Variants in PRKG1 observed in about 807,000 individuals in gnomAD.
PRKG1 encodes protein kinase cGMP-dependent 1.
In PRKG1, 35 loss-of-function variants were observed where a neutral mutation model predicts 88.1. The observed-to-expected ratio is 0.40, with a 90% CI of 0.30 to 0.53. PRKG1 has a LOEUF of 0.53. Among genes scored for constraint, PRKG1 ranks in the 20% least tolerant of loss-of-function variants. The pLI, the probability that PRKG1 is intolerant of heterozygous loss-of-function variation, is 0.59. For missense variants in PRKG1, 540 were observed against 839.8 expected (o/e 0.64, Z 4.41); for synonymous variants, 303 against 292.5 (o/e 1.04, Z -0.37).
chr10:52,289,515 T>A (rs1303900181), intron 16 of PRKG1, among the ~76,000 whole-genome samples: 1 of 152,144 alleles, frequency 6.6e-6, no homozygotes, highest in Non-Finnish European at 1.5e-5. Context: ...TCTCTATTTG[T>A]TTGTGTAACA....
At chr10:51,712,878 G>A (rs771021922) in intron 3 of PRKG1, among the ~76,000 whole-genome samples, 14 of 152,000 alleles carry the variant, frequency 9.2e-5, no homozygotes, top group Non-Finnish European at 1.9e-4. Context: ...AGACAGCCAT[G>A]TGAATCCAAA....
chr10:51,985,581 T>C (rs1355058827), intron 5 of PRKG1, among the ~76,000 whole-genome samples: 1 of 152,182 alleles, frequency 6.6e-6, no homozygotes, highest in Admixed American at 6.5e-5. Flanking sequence ...GAAAAAAACA[T>C]CATTTCCTCA....
Position 51,955,650 on chromosome 10 carries a change from C to T in PRKG1, c.762+48080C>T, listed in dbSNP as rs549518196. Reference sequence around the variant, plus strand: ...TTTAGATTTAAAAATGTCTTTATGTCTGGAAATCGTTAGTCCAATACAATC... The same window carrying T: ...TTTAGATTTAAAAATGTCTTTATGTTTGGAAATCGTTAGTCCAATACAATC... On this transcript the variant is annotated intron_variant, in intron 5 of 17. Transcript: ENST00000373980. Among the ~76,000 whole-genome samples the T allele has an allele frequency of 2.6e-5, 4 of 152,112 alleles. No individual in the cohort carries two copies. In the South Asian group the frequency reaches 8.3e-4, roughly 32 times the overall value.
At chr10:51,810,433 G>T (rs1839424998) in intron 4 of PRKG1, among the ~76,000 whole-genome samples, 1 of 152,090 alleles carries the variant, frequency 6.6e-6, no homozygotes, top group African/African-American at 2.4e-5. Context: ...TGTATACAAA[G>T]GATCAAGATG....
chr10:52,241,625 A>G (rs956072660), intron 9 of PRKG1, among the ~76,000 whole-genome samples: 7 of 152,206 alleles, frequency 4.6e-5, no homozygotes, highest in South Asian at 2.1e-4. Flanking sequence ...TGCAAAATTC[A>G]TCAGAGATTT....
chr10:51,539,607 T>A (rs1287991522), intron 3 of PRKG1, among the ~76,000 whole-genome samples: 2 of 152,174 alleles, frequency 1.3e-5, no homozygotes, highest in Non-Finnish European at 2.9e-5. Flanking sequence ...CAAACCAAAT[T>A]ATTAAGTGCA....
chr10:51,744,933 G>T (rs1437244332), intron 3 of PRKG1, among the ~76,000 whole-genome samples: 3 of 152,114 alleles, frequency 2.0e-5, no homozygotes, highest in African/African-American at 7.2e-5. Context: ...AAGAGATTTT[G>T]AAATTTTATT....
intron 3 of PRKG1, among the ~76,000 whole-genome samples, chr10:51,502,457 G>C (rs1349476707): frequency 1.3e-5 from 2 of 152,108 alleles, no homozygotes; most frequent in South Asian, 4.1e-4. Context: ...ATCTTGAGCT[G>C]TTTGCTGATA....
intron 3 of PRKG1, among the ~76,000 whole-genome samples, chr10:51,593,811 G>T (rs574710606): frequency 1.3e-5 from 2 of 151,820 alleles, no homozygotes; most frequent in South Asian, 4.2e-4. Context: ...TGCAACCTCT[G>T]CCTCCCAGGT....
At chr10:51,538,162 T>G (rs1842204796) in intron 3 of PRKG1, among the ~76,000 whole-genome samples, 2 of 152,132 alleles carry the variant, frequency 1.3e-5, no homozygotes, top group South Asian at 2.1e-4. Context: ...TAGCAACTGT[T>G]CAAACAATAA....
At chr10:52,115,326 A>G (rs1415884041) in intron 7 of PRKG1, among the ~76,000 whole-genome samples, 1 of 152,152 alleles carries the variant, frequency 6.6e-6, no homozygotes, top group Admixed American at 6.6e-5. Context: ...ATTTTAAAGG[A>G]CATTTGTGTA....
intron 2 of PRKG1, among the ~76,000 whole-genome samples, chr10:51,198,025 C>G (rs532433130): frequency 6.6e-6 from 1 of 151,626 alleles, no homozygotes; most frequent in African/African-American, 2.4e-5. Context: ...CTTTTGGTAC[C>G]CTTACCTTCA....
At chr10:51,442,465 C>T (rs1588962034) in intron 2 of PRKG1, among the ~76,000 whole-genome samples, 1 of 151,972 alleles carries the variant, frequency 6.6e-6, no homozygotes, top group Non-Finnish European at 1.5e-5. Flanking sequence ...ATGGCTACAA[C>T]ATAAATGACA....
At chr10:51,941,091 A>C (rs1842897517) in intron 5 of PRKG1, among the ~76,000 whole-genome samples, 1 of 151,896 alleles carries the variant, frequency 6.6e-6, no homozygotes, top group Non-Finnish European at 1.5e-5. Flanking sequence ...GATACATCCT[A>C]ATTTGAGGAA....
chr10:52,098,608 C>T (rs902340922), intron 7 of PRKG1, among the ~76,000 whole-genome samples: 2 of 151,970 alleles, frequency 1.3e-5, no homozygotes, highest in South Asian at 2.1e-4. Flanking sequence ...GTCAGGAGTT[C>T]GAGATAGATG....
chr10:52,062,671 C>A lies in PRKG1; in HGVS notation c.935+40C>A, dbSNP rs202230997. ...TGTTATACAGGTTTTTGTTTGAGTG[C>A]TACATAAATTTCTGTCTGAAATTTT... is the stretch of plus-strand genomic sequence containing the variant. On this transcript the variant is annotated intron_variant, in intron 7 of 17. Transcript: ENST00000373980. 5 of 1,472,288 alleles carry A rather than the reference C, an allele frequency of 3.4e-6. No homozygotes were observed. The African/African-American group carries it at 7.1e-5, about 21-fold the overall frequency. The allele number at this position is 1,472,288 out of a possible 1,614,324, so 91.2% of individuals were successfully genotyped here.
At chr10:51,762,864 A>G (rs1838056052) in intron 3 of PRKG1, among the ~76,000 whole-genome samples, 2 of 152,214 alleles carry the variant, frequency 1.3e-5, no homozygotes, top group South Asian at 4.1e-4. Context: ...ATATCCTCAC[A>G]GTGATTCATG....
chr10:51,568,425 G>C (rs1837663447), intron 3 of PRKG1: 1 of 150,970 alleles, frequency 6.6e-6, no homozygotes, highest in African/African-American at 2.5e-5. Context: ...TTTTTTCATA[G>C]AGATGGAGTC....
intron 4 of PRKG1, among the ~76,000 whole-genome samples, chr10:51,881,447 T>A (rs1467722705): frequency 6.6e-6 from 1 of 152,206 alleles, no homozygotes; most frequent in Non-Finnish European, 1.5e-5. Flanking sequence ...TGGTTTCATC[T>A]GGGTGGCTGA....
Sources: gnomAD v4.1 joint callset for allele counts (sites outside exome capture counted in the v4.1 genomes callset) on GRCh38, gnomAD v4.1.1 for gene constraint, MANE v1.5 for transcripts, NCBI Gene and HGNC (gene_info 2026-07-23, HGNC 2026-07-21) for gene names.